Variants in NR1H4 observed in about 807,000 individuals in gnomAD.
The protein encoded by NR1H4 is nuclear receptor subfamily 1 group H member 4.
Under a neutral mutation model 58.5 loss-of-function variants are expected in NR1H4, and 23 were observed. The observed-to-expected ratio is 0.39, with a 90% CI of 0.28 to 0.56. The LOEUF is 0.56. Ranked by LOEUF, NR1H4 falls within the 20% of genes least tolerant of loss-of-function variation. The pLI is 0.58. For synonymous variants in NR1H4, 214 were observed against 198.0 expected (o/e 1.08, Z -0.68); for missense variants, 487 against 576.9 (o/e 0.84, Z 1.60).
In NR1H4 at chr12:100,524,948, G is replaced by T. The variant is rs1281128207; in HGVS notation, c.446-7510G>T. Among the ~76,000 whole-genome samples the T allele has an allele frequency of 2.0e-5, 3 of 152,302 alleles. No individual in the cohort carries two copies. The East Asian group carries it at 5.8e-4, about 29-fold the overall frequency. ...GGAGTGTTGAGGTGGAAGTCTTGGG[G>T]ATATGGGGAAGATGGCCAGCCCCTC... On this transcript the variant is annotated intron_variant, in intron 4 of 10. Transcript: ENST00000392986.
At chr12:100,521,754 T>C (rs2136199405) in intron 4 of NR1H4, among the ~76,000 whole-genome samples, 1 of 152,344 alleles carries the variant, frequency 6.6e-6, no homozygotes, top group East Asian at 1.9e-4. Context: ...CCTTTGTTTA[T>C]GGACATTTGT....
intron 5 of NR1H4, among the ~76,000 whole-genome samples, chr12:100,533,892 T>C (rs535745966): frequency 2.8e-4 from 41 of 147,594 alleles, no homozygotes; most frequent in Non-Finnish European, 4.7e-4. Context: ...ATAGCTCTCT[T>C]TTTTTTTTTT....
At chr12:100,560,581 C>T (rs1047543536) in intron 9 of NR1H4, among the ~76,000 whole-genome samples, 2 of 152,206 alleles carry the variant, frequency 1.3e-5, no homozygotes, top group African/African-American at 4.8e-5. Context: ...ACTCCGAACA[C>T]ATCTGAACAT....
chr12:100,559,787 A>C (rs1298932166), intron 9 of NR1H4, among the ~76,000 whole-genome samples: 2 of 152,234 alleles, frequency 1.3e-5, no homozygotes, highest in Admixed American at 1.3e-4. Flanking sequence ...CATGACTGGC[A>C]GACAGCTCCA....
At chr12:100,506,309 G>A (rs1384949879) in intron 3 of NR1H4, among the ~76,000 whole-genome samples, 1 of 152,132 alleles carries the variant, frequency 6.6e-6, no homozygotes, top group African/African-American at 2.4e-5. Flanking sequence ...TTATAGGAGA[G>A]ATTGAAATAG....
rs1234074106 is a variant in NR1H4, at chr12:100,511,931, A to AT, written c.445+802dup. Among the ~76,000 whole-genome samples, 1,417 of 143,332 alleles carry AT rather than the reference A, an allele frequency of 9.9e-3. 14 individuals carry two copies. Among genetic ancestry groups the AT allele is most frequent in the African/African-American group, 0.029 (1,138 of 38,808 alleles). 94.0% of individuals were successfully genotyped at this position (143,332 alleles called of 152,430 possible). ...GAGCGAAAATCCATCTCAAAAAATAATTTTTTTTTTTTTTATTTAGCCTAG... is the reference window on the plus strand; with the variant it reads ...GAGCGAAAATCCATCTCAAAAAATAATTTTTTTTTTTTTTTATTTAGCCTAG... On this transcript the variant is annotated intron_variant, in intron 4 of 10. Coordinates refer to ENST00000392986, the MANE Select transcript of NR1H4 (RefSeq NM_001206979.2).
At chr12:100,553,984 G>A (rs1955265841) in intron 9 of NR1H4, among the ~76,000 whole-genome samples, 1 of 152,220 alleles carries the variant, frequency 6.6e-6, no homozygotes, top group Admixed American at 6.5e-5. Context: ...ACCAACAGTG[G>A]CTGGACCTTG....
chr12:100,522,989 C>T lies in NR1H4; in HGVS notation c.446-9469C>T, dbSNP rs185061661. Among the ~76,000 whole-genome samples, 3 of 152,262 alleles carry T rather than the reference C, an allele frequency of 2.0e-5. No homozygotes were observed. In the South Asian group the frequency reaches 6.2e-4, roughly 32 times the overall value. ...CACTTAGATTGGTTCTATATCTTTG[C>T]AATTGTGAATTGGGTTGCAATAAAC... On this transcript the variant is annotated intron_variant, in intron 4 of 10. Transcript: ENST00000392986.
chr12:100,484,003 A>AAGAATGT (rs1476448517), intron 1 of NR1H4, among the ~76,000 whole-genome samples: 6 of 152,014 alleles, frequency 3.9e-5, no homozygotes, highest in Non-Finnish European at 7.4e-5. Context: ...AAAAAAAAAA[A>AAGAATGT]AAGAATGTAT....
chr12:100,478,993 TA>T lies in NR1H4; in HGVS notation c.-190+4935del, dbSNP rs569531419. ...TTTCCTAATTATTATTAGTTTCAGA[TA>T]TTTTCTGTGTTTACTGGCCACTTGT... On this transcript the variant is annotated intron_variant, in intron 1 of 10. Coordinates refer to ENST00000392986, the MANE Select transcript of NR1H4 (RefSeq NM_001206979.2). Among the ~76,000 whole-genome samples, 9 of 152,340 alleles carry T rather than the reference TA, an allele frequency of 5.9e-5. No homozygotes were observed. The East Asian group carries it at 1.2e-3, about 20-fold the overall frequency.
chr12:100,562,354 C>CA (rs1465083038), intron 10 of NR1H4, among the ~76,000 whole-genome samples: 8 of 151,842 alleles, frequency 5.3e-5, no homozygotes, highest in South Asian at 4.2e-4. Flanking sequence ...GTAAATGCTA[C>CA]AAAAAATATA....
intron 4 of NR1H4, among the ~76,000 whole-genome samples, chr12:100,513,219 T>C (rs1351865418): frequency 6.6e-6 from 1 of 152,200 alleles, no homozygotes; most frequent in Non-Finnish European, 1.5e-5. Context: ...GCCTGGTACA[T>C]AGTAAATATG....
At chr12:100,499,178 A>G (rs2092691098) in intron 3 of NR1H4, among the ~76,000 whole-genome samples, 1 of 152,334 alleles carries the variant, frequency 6.6e-6, no homozygotes, top group Admixed American at 6.5e-5. Context: ...AATGCAATTA[A>G]AGGTTTTGAG....
chr12:100,563,607 G>A lies in NR1H4; in HGVS notation c.*118G>A. On this transcript the variant is annotated 3_prime_UTR_variant, in exon 11 of 11. Transcript: ENST00000392986. Reference sequence around the variant, plus strand: ...TCAAGAAATCTTGATGAATATTTATGTTGTAATTACATGTGTAACTTCCAC... The same window carrying A: ...TCAAGAAATCTTGATGAATATTTATATTGTAATTACATGTGTAACTTCCAC... 8.4e-6 allele frequency: 7 copies of A among 833,022 alleles called. No homozygotes were observed. The highest frequency in any genetic ancestry group is 1.4e-5 in the Non-Finnish European group (7 of 484,624). 51.6% of individuals were successfully genotyped at this position (833,022 alleles called of 1,614,324 possible).
intron 9 of NR1H4, among the ~76,000 whole-genome samples, chr12:100,547,578 AG>A (rs2136278609): frequency 6.6e-6 from 1 of 152,234 alleles, no homozygotes; most frequent in African/African-American, 2.4e-5. Context: ...AAGACACAAA[AG>A]CTTCCAAAAC....
At chr12:100,536,679 G>T (rs1213763130) in intron 7 of NR1H4, 69 bp downstream of exon 7, 5 of 881,940 alleles carry the variant, frequency 5.7e-6, no homozygotes, top group Non-Finnish European at 7.5e-6. Context: ...TGCCTTGGAG[G>T]TATAATTTAT....
At chr12:100,536,863 A>C in intron 7 of NR1H4, 85 bp from the exon 8 acceptor site, 1 of 849,742 alleles carries the variant, frequency 1.2e-6, no homozygotes, top group Non-Finnish European at 1.9e-6. Context: ...TTATCATCTA[A>C]ACCTAGTTTT....
At position 100,510,974 on chromosome 12, in the gene NR1H4, A is replaced by C. The variant is rs1196360064; in HGVS notation, c.276A>C (p.Pro92=). ...GAATATATGAACTCAGGCGTATGCC[A>C]GCTGAGACTCTCTACCAGGGAGAAA... ...SPGIYELRRM[P]AETLYQGETE... Residue 92 remains proline (P), a synonymous_variant, in exon 4 of 11, where the codon CCA becomes CCC. Transcript: ENST00000392986. The C allele has an allele frequency of 6.2e-7, 1 of 1,614,254 alleles. No homozygotes were observed. The highest frequency in any genetic ancestry group is 8.5e-7 in the Non-Finnish European group (1 of 1,180,044).
chr12:100,486,433 A>G (rs957366877), intron 1 of NR1H4, among the ~76,000 whole-genome samples: 1 of 152,204 alleles, frequency 6.6e-6, no homozygotes, highest in Non-Finnish European at 1.5e-5. Context: ...ATCAATCAAC[A>G]AACTGGAACA....
Sources: allele counts gnomAD v4.1 joint callset (sites outside exome capture counted in the v4.1 genomes callset), GRCh38; gene constraint gnomAD v4.1.1; transcripts MANE v1.5; gene names NCBI Gene and HGNC (gene_info 2026-07-23, HGNC 2026-07-21).